The following PCDHA3 variants were observed in gnomAD, a reference collection of about 807,000 sequenced individuals.
PCDHA3 encodes protocadherin alpha-3.
PCDHA3 carries 41 observed loss-of-function variants against 62.2 expected under a neutral mutation model. The ratio of observed to expected loss-of-function variants is 0.66; its 90% CI spans 0.51 to 0.86. The LOEUF (loss-of-function observed/expected upper bound fraction) is 0.86, where lower values mean the gene tolerates loss of function less well. Among genes scored for constraint, PCDHA3 ranks in the 40% least tolerant of loss-of-function variants. PCDHA3 has a pLI of 0.00. For synonymous variants in PCDHA3, 640 were observed against 555.4 expected (o/e 1.15, Z -2.14); for missense variants, 1,304 against 1,241.2 (o/e 1.05, Z -0.76).
chr5:140,886,603 G>A lies in PCDHA3; in HGVS notation c.2394+83012G>A, dbSNP rs781862855. Among the ~76,000 whole-genome samples, 8 of 152,090 alleles carry A rather than the reference G, an allele frequency of 5.3e-5. No individual in the cohort carries two copies. The East Asian group carries it at 1.2e-3, about 22-fold the overall frequency. ...AGCACTTTGGGAGGCCAAGGTGGGCGGATCAGGAGATCAGGAGTCCGAGAC... is the reference window on the plus strand; with the variant it reads ...AGCACTTTGGGAGGCCAAGGTGGGCAGATCAGGAGATCAGGAGTCCGAGAC... On this transcript the variant is annotated intron_variant, in intron 1 of 3. Coordinates refer to ENST00000522353, the MANE Select transcript of PCDHA3 (RefSeq NM_018906.3).
At chr5:140,883,792 G>C (rs1050179503) in intron 1 of PCDHA3, 7 of 1,612,560 alleles carry the variant, frequency 4.3e-6, no homozygotes, top group African/African-American at 1.3e-5. Flanking sequence ...CGAGCTACGT[G>C]TCGGTGCACG....
intron 1 of PCDHA3, chr5:140,841,844 CATG>C (rs2150323969): frequency 6.2e-7 from 1 of 1,613,842 alleles, no homozygotes; most frequent in Non-Finnish European, 8.5e-7. Flanking sequence ...GCTTAGCTCT[CATG>C]ATTACTTCAT....
At chr5:140,863,313 G>C (rs782656693) in intron 1 of PCDHA3, 5 of 1,460,034 alleles carry the variant, frequency 3.4e-6, no homozygotes, top group Non-Finnish European at 4.6e-6. Flanking sequence ...TCTGCGTGGT[G>C]TCCAGCCTGT....
intron 1 of PCDHA3, chr5:140,829,845 T>C (rs2150176027): frequency 1.3e-5 from 21 of 1,613,782 alleles, no homozygotes; most frequent in Non-Finnish European, 8.5e-7. Context: ...CCGCGGTCAC[T>C]GGGTGCAGGC....
intron 1 of PCDHA3, chr5:140,807,856 T>C (rs781955377): frequency 1.9e-6 from 3 of 1,614,214 alleles, no homozygotes. Context: ...CCGAGTTGAC[T>C]GGCACCGTTC....
At chr5:140,854,418 TA>T (rs1235351713) in intron 1 of PCDHA3, 1 of 151,722 alleles carries the variant, frequency 6.6e-6, no homozygotes, top group Non-Finnish European at 1.5e-5. Flanking sequence ...AAGTAATCTC[TA>T]AAATCAGAAT....
At chr5:141,009,295 A>T (rs782350734) in intron 3 of PCDHA3, among the ~76,000 whole-genome samples, 13 of 152,030 alleles carry the variant, frequency 8.6e-5, no homozygotes, top group Admixed American at 3.9e-4. Context: ...TTTCTATAAA[A>T]TTTTTTTTAA....
chr5:141,004,350 G>A (rs2098163029), intron 3 of PCDHA3, among the ~76,000 whole-genome samples: 1 of 152,192 alleles, frequency 6.6e-6, no homozygotes, highest in South Asian at 2.1e-4. Context: ...GTGAGGGACT[G>A]GAGAGACCAC....
chr5:140,898,671 G>A lies in PCDHA3; in HGVS notation c.2395-80278G>A, dbSNP rs1419362877. 2.2e-4 allele frequency among the ~76,000 whole-genome samples: 33 copies of A among 152,200 alleles called. No homozygotes were observed. The East Asian group carries it at 2.3e-3, about 11-fold the overall frequency. On this transcript the variant is annotated intron_variant, in intron 1 of 3. Transcript: ENST00000522353. ...TGGCTTAGGATTGACTTGGTGTTGCGGGCTGTTTTTTGGTTCCATATGAAC... is the reference window on the plus strand; with the variant it reads ...TGGCTTAGGATTGACTTGGTGTTGCAGGCTGTTTTTTGGTTCCATATGAAC...
rs782750036 is a variant in PCDHA3, at chr5:140,809,552, A to G, written c.2394+5961A>G. The G allele has an allele frequency of 1.4e-5, 22 of 1,611,538 alleles. No homozygotes were observed. In the South Asian group the frequency reaches 2.3e-4, roughly 17 times the overall value. The stretch of plus-strand genomic sequence containing the variant: ...GGACAGAGAAGATCAGCTGCAGACA[A>G]CTGAGGAATCCTTTGCAAAGGTTAG... On this transcript the variant is annotated intron_variant, in intron 1 of 3. Coordinates refer to ENST00000522353, the MANE Select transcript of PCDHA3 (RefSeq NM_018906.3).
chr5:140,972,213 C>T (rs1312530794), intron 1 of PCDHA3, among the ~76,000 whole-genome samples: 3 of 151,932 alleles, frequency 2.0e-5, no homozygotes, highest in African/African-American at 7.3e-5. Flanking sequence ...GAATATGGCT[C>T]ACTGCAGCCT....
chr5:140,907,693 G>A (rs573463032), intron 1 of PCDHA3, among the ~76,000 whole-genome samples: 49 of 152,318 alleles, frequency 3.2e-4, no homozygotes, highest in Non-Finnish European at 6.5e-4. Flanking sequence ...GTGAGTGGAA[G>A]TCCCTGTTGC....
At chr5:140,809,891 A>C (rs1554125376) in intron 1 of PCDHA3, 1 of 211,874 alleles carries the variant, frequency 4.7e-6, no homozygotes, top group Non-Finnish European at 9.4e-6. Flanking sequence ...ATTACATATA[A>C]ACAAATGTGC....
chr5:140,848,535 C>G (rs2150412209), intron 1 of PCDHA3: 2 of 1,595,366 alleles, frequency 1.3e-6, no homozygotes, highest in South Asian at 2.2e-5. Context: ...GGGTCAGCCT[C>G]TACTGCTCTC....
rs2150447816 is a variant in PCDHA3 at position 140,849,745 on chromosome 5, G to A, written c.2394+46154G>A. On this transcript the variant is annotated intron_variant, in intron 1 of 3. Coordinates refer to ENST00000522353, the MANE Select transcript of PCDHA3 (RefSeq NM_018906.3). Reference sequence around the variant, plus strand: ...CTGGACAGAGCTCTGGACCGCGAGAGTGTGTCCGCCTACGAGCTGGTGGTT... The same window carrying A: ...CTGGACAGAGCTCTGGACCGCGAGAATGTGTCCGCCTACGAGCTGGTGGTT... 2.6e-5 allele frequency: 41 copies of A among 1,598,346 alleles called. 3 individuals are homozygous for A. Among genetic ancestry groups the A allele is most frequent in the African/African-American group, 4.0e-5 (3 of 74,350 alleles).
chr5:140,870,017 G>T, intron 1 of PCDHA3: 1 of 1,613,620 alleles, frequency 6.2e-7, no homozygotes, highest in Non-Finnish European at 8.5e-7. Flanking sequence ...AGGGTCAATG[G>T]AACTTTAGAT....
rs1358693370 is a variant in PCDHA3, at chr5:140,846,736, G to C, written c.2394+43145G>C. 1.3e-5 allele frequency among the ~76,000 whole-genome samples: 2 copies of C among 149,142 alleles called. 1 individual carries two copies. Among genetic ancestry groups the C allele is most frequent in the Non-Finnish European group, 3.0e-5 (2 of 66,802 alleles). On this transcript the variant is annotated intron_variant, in intron 1 of 3. Coordinates refer to ENST00000522353, the MANE Select transcript of PCDHA3 (RefSeq NM_018906.3). ...ACCAGTCTTCATTAAACATTAAATA[G>C]GACCCTTACAGATCTCTAACAGCAT...
chr5:141,009,772 C>T lies in PCDHA3; in HGVS notation c.2688C>T (p.Ile896=). The T allele has an allele frequency of 1.9e-6, 3 of 1,614,158 alleles. No individual in the cohort carries two copies. Among genetic ancestry groups the T allele is most frequent in the Non-Finnish European group, 2.5e-6 (3 of 1,180,032 alleles). The stretch of plus-strand genomic sequence containing the variant: ...TCATTATCCCAGGATCTCCTGCAAT[C>T]ATCTCCATCCGGCAGGAGCCTACTA... ...DKFIIPGSPA[I]ISIRQEPTNS... Residue 896 remains isoleucine (I), a synonymous_variant, in exon 4 of 4, where the codon ATC becomes ATT. Coordinates refer to ENST00000522353, the MANE Select transcript of PCDHA3 (RefSeq NM_018906.3).
At chr5:140,942,382 A>C (rs1341028342) in intron 1 of PCDHA3, among the ~76,000 whole-genome samples, 2 of 152,102 alleles carry the variant, frequency 1.3e-5, no homozygotes, top group African/African-American at 4.8e-5. Context: ...ACTGCATTCC[A>C]GCCTGGGCGA....
Sources: allele counts gnomAD v4.1 joint callset (sites outside exome capture counted in the v4.1 genomes callset), GRCh38; gene constraint gnomAD v4.1.1; transcripts MANE v1.5; gene names NCBI Gene and HGNC (gene_info 2026-07-23, HGNC 2026-07-21).